Variants in HSF2 observed in about 807,000 individuals in gnomAD.
The protein encoded by HSF2 is heat shock factor protein 2.
HSF2 carries 21 observed loss-of-function variants against 65.0 expected under a neutral mutation model. The observed-to-expected ratio is 0.32, with a 90% CI of 0.23 to 0.47. The LOEUF (loss-of-function observed/expected upper bound fraction) is 0.47, where lower values mean the gene tolerates loss of function less well. Ranked by LOEUF, HSF2 falls within the 20% of genes least tolerant of loss-of-function variation. HSF2 has a pLI of 1.00. For synonymous variants in HSF2, 225 were observed against 219.1 expected (o/e 1.03, Z -0.24); for missense variants, 499 against 628.1 (o/e 0.79, Z 2.20).
chr6:122,403,513 G>T (rs778152855), intron 1 of HSF2, among the ~76,000 whole-genome samples: 4 of 152,134 alleles, frequency 2.6e-5, no homozygotes, highest in Non-Finnish European at 4.4e-5. Context: ...AGGCTGAAGA[G>T]GGGAGATGGC....
At chr6:122,399,621 G>A, upstream of HSF2, 2 of 797,816 alleles carry the variant, frequency 2.5e-6, no homozygotes, top group Non-Finnish European at 2.0e-6. Context: ...GGGGGGCGGG[G>A]ACCAAGATCT....
At chr6:122,411,141 A>G (rs1032762402) in intron 1 of HSF2, among the ~76,000 whole-genome samples, 5 of 151,648 alleles carry the variant, frequency 3.3e-5, no homozygotes, top group African/African-American at 1.2e-4. Flanking sequence ...TTTTGATAAT[A>G]GCCATTCTAA....
At chr6:122,431,547 GT>G (rs1334917079) in intron 12 of HSF2, 33 bp downstream of exon 12, 15 of 1,260,392 alleles carry the variant, frequency 1.2e-5, no homozygotes, top group South Asian at 5.3e-5. Context: ...GTCTCTGTAG[GT>G]TTTTTTAATC....
At chr6:122,407,304 A>G (rs1384269363) in intron 1 of HSF2, among the ~76,000 whole-genome samples, 3 of 152,196 alleles carry the variant, frequency 2.0e-5, no homozygotes, top group Admixed American at 6.5e-5. Flanking sequence ...TTGCTGGGAT[A>G]TAGGATATGA....
At chr6:122,413,247 A>G (rs1053066968) in intron 3 of HSF2, among the ~76,000 whole-genome samples, 1 of 152,090 alleles carries the variant, frequency 6.6e-6, no homozygotes, top group African/African-American at 2.4e-5. Flanking sequence ...GGAAATTGCA[A>G]GGAGCTTGGC....
intron 5 of HSF2, among the ~76,000 whole-genome samples, chr6:122,416,586 G>A (rs1402569019): frequency 6.6e-6 from 1 of 152,088 alleles, no homozygotes; most frequent in Non-Finnish European, 1.5e-5. Flanking sequence ...TTATTTTTAT[G>A]AGCATAATGA....
chr6:122,428,570 G>A (rs1020702408), intron 11 of HSF2, among the ~76,000 whole-genome samples: 3 of 151,974 alleles, frequency 2.0e-5, no homozygotes, highest in African/African-American at 7.2e-5. Context: ...TTATATCATT[G>A]TATTTTATAT....
At chr6:122,401,488 T>G (rs1372225030) in intron 1 of HSF2, among the ~76,000 whole-genome samples, 1 of 152,242 alleles carries the variant, frequency 6.6e-6, no homozygotes, top group Non-Finnish European at 1.5e-5. Context: ...GTAGGCCTAT[T>G]AAATTCTGAT....
At chr6:122,413,035 C>A (rs2114433385) in intron 3 of HSF2, among the ~76,000 whole-genome samples, 1 of 151,844 alleles carries the variant, frequency 6.6e-6, no homozygotes, top group South Asian at 2.1e-4. Context: ...TAAGTCTCTT[C>A]TAATAATATA....
At chr6:122,423,049 T>C in intron 9 of HSF2, 92 bp downstream of exon 9, 1 of 1,387,896 alleles carries the variant, frequency 7.2e-7, no homozygotes, top group Non-Finnish European at 1.0e-6. Flanking sequence ...TCCTTTCAGA[T>C]GATGAACCCA....
At chr6:122,400,584 C>G (rs954873671) in intron 1 of HSF2, among the ~76,000 whole-genome samples, 1 of 152,200 alleles carries the variant, frequency 6.6e-6, no homozygotes, top group Non-Finnish European at 1.5e-5. Context: ...TTGATCTCAA[C>G]TCTGCTTCTA....
At position 122,427,897 on chromosome 6, in the gene HSF2, T is replaced by C. The variant is rs759832259; in HGVS notation, c.1177-6T>C. 2.3e-5 allele frequency: 37 copies of C among 1,586,484 alleles called. No homozygotes were observed. Among genetic ancestry groups the C allele is most frequent in the Non-Finnish European group, 3.0e-5 (35 of 1,161,858 alleles). ...AACTTATCATCTTTCTTGTTTGGTC[T>C]TTCAGCTTTTCACTAGTTCTGTGCA... On this transcript the variant is annotated splice_polypyrimidine_tract_variant and splice_region_variant and intron_variant, in intron 10 of 12. Coordinates refer to ENST00000368455, the MANE Select transcript of HSF2 (RefSeq NM_004506.4).
Position 122,419,170 on chromosome 6 carries a change from T to G in HSF2, c.534T>G (p.Ile178Met). 7.0e-7 allele frequency: 1 copy of G among 1,426,670 alleles called. No homozygotes were observed. The highest frequency in any genetic ancestry group is 9.8e-7 in the Non-Finnish European group (1 of 1,017,692). The allele number at this position is 1,426,670 out of a possible 1,614,324, so 88.4% of individuals were successfully genotyped here. Residue 178 changes from isoleucine (I) to methionine (M), a missense_variant and splice_region_variant, in exon 6 of 13, where the codon ATT becomes ATG. Ile to Met is a conservative substitution (Grantham distance 10). Coordinates refer to ENST00000368455, the MANE Select transcript of HSF2 (RefSeq NM_004506.4). ...HAQQQQVIRK[I>M]VQFIVTLVQN... Reference sequence around the variant, plus strand: ...ATTTTTGTTTATATTTTTTTCAGATTGTCCAGTTTATTGTTACATTGGTTC... The same window carrying G: ...ATTTTTGTTTATATTTTTTTCAGATGGTCCAGTTTATTGTTACATTGGTTC...
intron 5 of HSF2, among the ~76,000 whole-genome samples, chr6:122,417,911 T>G (rs1038040356): frequency 6.6e-5 from 10 of 152,252 alleles, no homozygotes; most frequent in Admixed American, 2.6e-4. Context: ...AATAAGCAAT[T>G]TAGTGTCTAC....
intron 7 of HSF2, 57 bp from the exon 8 acceptor site, chr6:122,422,093 T>G: frequency 1.6e-6 from 2 of 1,226,736 alleles, no homozygotes; most frequent in Non-Finnish European, 2.3e-6. Flanking sequence ...AGATGATATC[T>G]TGTTTGGTAG....
intron 4 of HSF2, among the ~76,000 whole-genome samples, chr6:122,414,358 C>G (rs992812270): frequency 3.3e-5 from 5 of 152,180 alleles, no homozygotes; most frequent in Non-Finnish European, 4.4e-5. Context: ...TACATATTCT[C>G]TCTTCCATAT....
intron 1 of HSF2, among the ~76,000 whole-genome samples, chr6:122,409,679 G>T (rs985122845): frequency 2.0e-5 from 3 of 151,762 alleles, no homozygotes; most frequent in African/African-American, 7.3e-5. Context: ...TATGAGTCTG[G>T]GTCTCTTCTA....
chr6:122,422,911 A>G lies in HSF2; in HGVS notation c.1024A>G (p.Thr342Ala), dbSNP rs1437900385. The change falls in exon 9 of 13, where the codon ACC (threonine) becomes GCC (alanine). Residue 342 changes from threonine to alanine, a missense_variant. Physicochemically the swap from Thr to Ala is moderately conservative, Grantham distance 58. Transcript: ENST00000368455. Reference sequence around the variant, plus strand: ...CAGTCTGACCTCAGAAGATCCAGTGACCATGATGGATTCCATTTTGAATGA... The same window carrying G: ...CAGTCTGACCTCAGAAGATCCAGTGGCCATGATGGATTCCATTTTGAATGA... ...SSSLTSEDPV[T>A]MMDSILNDNI... The G allele has an allele frequency of 6.2e-7, 1 of 1,613,378 alleles. No homozygotes were observed. Among genetic ancestry groups the G allele is most frequent in the Non-Finnish European group, 8.5e-7 (1 of 1,179,584 alleles).
intron 4 of HSF2, 41 bp from the exon 5 acceptor site, chr6:122,416,180 G>A: frequency 7.9e-7 from 1 of 1,273,784 alleles, no homozygotes; most frequent in East Asian, 2.3e-5. Flanking sequence ...TTTTTTGATT[G>A]ATTTTTTTTT....
Sources: gnomAD v4.1 joint callset for allele counts (sites outside exome capture counted in the v4.1 genomes callset) on GRCh38, gnomAD v4.1.1 for gene constraint, MANE v1.5 for transcripts, NCBI Gene and HGNC (gene_info 2026-07-23, HGNC 2026-07-21) for gene names.